Variants in TRPC5 observed in about 807,000 individuals in gnomAD.
TRPC5 encodes the protein transient receptor potential cation channel subfamily C member 5.
TRPC5 carries 9 observed loss-of-function variants against 56.5 expected under a neutral mutation model. The observed-to-expected ratio is 0.16, with a 90% confidence interval of 0.10 to 0.28. TRPC5 has a LOEUF of 0.28. Among genes scored for constraint, TRPC5 ranks in the 10% least tolerant of loss-of-function variants. The probability of loss-of-function intolerance (pLI) is 1.00; values close to 1 mark genes in which losing one functional copy is unlikely to be tolerated. For missense variants in TRPC5, 469 were observed against 748.9 expected, an observed-to-expected ratio of 0.63 and a Z score of 4.36; for synonymous variants, 282 against 278.5, an observed-to-expected ratio of 1.01 and a Z score of -0.13.
intron 7 of TRPC5, among the ~76,000 whole-genome samples, chrX:111,834,130 G>A (rs1283101406): frequency 9.0e-6 from 1 of 111,700 alleles, no homozygotes; most frequent in Non-Finnish European, 1.9e-5. Flanking sequence ...AAAAAACCAG[G>A]GCAGGGACTA....
intron 1 of TRPC5, among the ~76,000 whole-genome samples, chrX:112,075,126 T>G (rs752946317): frequency 1.8e-5 from 2 of 112,648 alleles, no homozygotes; most frequent in South Asian, 7.4e-4. Flanking sequence ...CTAAAAAAAT[T>G]TCTGGTGATG....
intron 1 of TRPC5, among the ~76,000 whole-genome samples, chrX:112,033,327 C>T (rs145582942): frequency 0.039 from 4,156 of 107,911 alleles, 79 homozygotes; most frequent in Middle Eastern, 0.061. Flanking sequence ...ATGTAACAAA[C>T]CTGCATGTTG....
In TRPC5 at chrX:111,941,989, A is replaced by G. The variant is rs1026929983; in HGVS notation, c.378+10054T>C. ...ATATTTTCCCCATGATGAGAAGCCC[A>G]TGCTGTCTCTGAGCCAGTCTCAGCA... On this transcript the variant is annotated intron_variant, in intron 2 of 10. Transcript: ENST00000262839. Among the ~76,000 whole-genome samples, 7 of 111,836 alleles carry G rather than the reference A, an allele frequency of 6.3e-5. No individual in the cohort carries two copies. In the Admixed American group the frequency reaches 6.6e-4, roughly 11 times the overall value.
chrX:111,987,702 A>G (rs1928248328), intron 1 of TRPC5, among the ~76,000 whole-genome samples: 1 of 112,428 alleles, frequency 8.9e-6, no homozygotes, highest in Admixed American at 9.4e-5. Flanking sequence ...TCGATTGTAT[A>G]TGTACACCAC....
chrX:111,979,752 A>G (rs1441623300), intron 1 of TRPC5, among the ~76,000 whole-genome samples: 1 of 111,812 alleles, frequency 8.9e-6, no homozygotes, highest in Non-Finnish European at 1.9e-5. Context: ...GGTAAATACA[A>G]ATTAAATCCA....
At position 111,781,400 on chromosome X, in the gene TRPC5, A is replaced by G. The variant is rs769636051; in HGVS notation, c.2101-194T>C. 1.8e-3 allele frequency among the ~76,000 whole-genome samples: 206 copies of G among 112,093 alleles called. 1 individual carries two copies. Among genetic ancestry groups the G allele is most frequent in the Non-Finnish European group, 3.1e-3 (166 of 53,240 alleles). On this transcript the variant is annotated intron_variant, in intron 8 of 10. Coordinates refer to ENST00000262839, the MANE Select transcript of TRPC5 (RefSeq NM_012471.3). ...TAAAACAGTGAGTTGGTCACAAAGGAGGGACGGGAGGAAACAGTTTTGTTT... is the reference window on the plus strand; with the variant it reads ...TAAAACAGTGAGTTGGTCACAAAGGGGGGACGGGAGGAAACAGTTTTGTTT...
intron 3 of TRPC5, among the ~76,000 whole-genome samples, chrX:111,890,527 A>G (rs749763860): frequency 1.7e-3 from 188 of 110,781 alleles, no homozygotes; most frequent in African/African-American, 6.1e-3. Flanking sequence ...GGGTTTTAGT[A>G]TCTGTGGAAG....
intron 1 of TRPC5, among the ~76,000 whole-genome samples, chrX:112,064,223 C>T (rs762528443): frequency 9.0e-6 from 1 of 111,581 alleles, no homozygotes; most frequent in Non-Finnish European, 1.9e-5. Flanking sequence ...TTTAATACTC[C>T]GTGATTAATT....
At chrX:111,909,360 T>A (rs60100385) in intron 3 of TRPC5, among the ~76,000 whole-genome samples, 8,651 of 105,651 alleles carry the variant, frequency 0.082, 995 homozygotes, top group African/African-American at 0.27. Context: ...ATAAATAAAT[T>A]AATTAATTAA....
At chrX:111,787,214 C>T (rs1945974103) in intron 7 of TRPC5, among the ~76,000 whole-genome samples, 2 of 112,136 alleles carry the variant, frequency 1.8e-5, no homozygotes, top group African/African-American at 6.5e-5. Context: ...GTCTCTCAGA[C>T]CACAGTGCAA....
intron 1 of TRPC5, among the ~76,000 whole-genome samples, chrX:111,983,154 T>C (rs1055584656): frequency 4.5e-5 from 5 of 111,680 alleles, no homozygotes; most frequent in African/African-American, 1.6e-4. Context: ...TGTGGAATAA[T>C]ATGATGGTGG....
chrX:111,794,608 C>T (rs1295960088), intron 7 of TRPC5, among the ~76,000 whole-genome samples: 1 of 111,767 alleles, frequency 8.9e-6, no homozygotes, highest in African/African-American at 3.3e-5. Context: ...ATACCATTAA[C>T]TGAGTGGCTT....
intron 7 of TRPC5, among the ~76,000 whole-genome samples, chrX:111,785,581 G>A (rs767847887): frequency 1.8e-5 from 2 of 112,006 alleles, no homozygotes; most frequent in Non-Finnish European, 3.8e-5. Context: ...GTTCACAGAA[G>A]TAGGCTTCAG....
At chrX:111,901,925 G>A in intron 3 of TRPC5, 1 of 1,154,455 alleles carries the variant, frequency 8.7e-7, no homozygotes, top group Admixed American at 2.6e-5. Flanking sequence ...AATAGCTGAT[G>A]AGCTTTTACA....
rs1413228081 is a variant in TRPC5 at position 112,082,314 on chromosome X, G to A, written c.-457C>T. ...GAGCTAGGGAAGAAACTGACACGGG[G>A]AAACTGACAGGGGTAGCTGACACTG... is the stretch of plus-strand genomic sequence containing the variant. On this transcript the variant is annotated 5_prime_UTR_variant, in exon 1 of 11. Coordinates refer to ENST00000262839, the MANE Select transcript of TRPC5 (RefSeq NM_012471.3). The A allele has an allele frequency of 4.5e-5, 5 of 110,863 alleles. No individual in the cohort carries two copies. Among genetic ancestry groups the A allele is most frequent in the Non-Finnish European group, 9.4e-5 (5 of 53,060 alleles). The allele number at this position is 110,863 out of a possible 1,213,427, so 9.1% of individuals were successfully genotyped here.
chrX:111,827,654 C>T (rs1922280841), intron 7 of TRPC5, among the ~76,000 whole-genome samples: 1 of 111,922 alleles, frequency 8.9e-6, no homozygotes, highest in African/African-American at 3.2e-5. Flanking sequence ...TCACTGCCAT[C>T]ATGACCAACC....
At chrX:111,943,389 C>T (rs930837574) in intron 2 of TRPC5, among the ~76,000 whole-genome samples, 1 of 112,006 alleles carries the variant, frequency 8.9e-6, no homozygotes, top group African/African-American at 3.2e-5. Flanking sequence ...TCCCCCTCCA[C>T]ACTGTGTAAT....
intron 3 of TRPC5, among the ~76,000 whole-genome samples, chrX:111,905,118 G>T (rs756336749): frequency 9.0e-6 from 1 of 110,712 alleles, no homozygotes; most frequent in Non-Finnish European, 1.9e-5. Context: ...AGGGGGTTAT[G>T]TAACTCTGAA....
Position 111,853,378 on chromosome X carries a change from G to A in TRPC5, c.1237+392C>T, listed in dbSNP as rs193196814. 6.8e-3 allele frequency among the ~76,000 whole-genome samples: 759 copies of A among 111,758 alleles called. 19 individuals carry two copies. The highest frequency in any genetic ancestry group is 0.018 in the Middle Eastern group (4 of 218). On this transcript the variant is annotated intron_variant, in intron 4 of 10. Coordinates refer to ENST00000262839, the MANE Select transcript of TRPC5 (RefSeq NM_012471.3). The stretch of plus-strand genomic sequence containing the variant: ...AACAAGAACTGGGTCGTGTGGAGTA[G>A]CCATGAGAAATGAGCAGATTCATGT...
Sources: allele counts gnomAD v4.1 joint callset (sites outside exome capture counted in the v4.1 genomes callset), GRCh38; gene constraint gnomAD v4.1.1; transcripts MANE v1.5; gene names NCBI Gene and HGNC (gene_info 2026-07-23, HGNC 2026-07-21).